The following CSMD1 variants were observed in gnomAD, a reference collection of about 807,000 sequenced individuals.
The protein encoded by CSMD1 is CUB and sushi domain-containing protein 1.
CSMD1 carries 213 observed loss-of-function variants against 417.5 expected under a neutral mutation model. The ratio of observed to expected loss-of-function variants is 0.51; its 90% CI spans 0.46 to 0.57. CSMD1 has a LOEUF of 0.57. Ranked by LOEUF, CSMD1 falls within the 20% of genes least tolerant of loss-of-function variation. The pLI is 0.00. For missense variants in CSMD1, 6,923 were observed against 4,529.7 expected (o/e 1.53, Z -15.17); for synonymous variants, 2,862 against 1,736.8 (o/e 1.65, Z -16.11).
At chr8:3,877,333 C>T (rs779366539) in intron 5 of CSMD1, among the ~76,000 whole-genome samples, 4 of 152,148 alleles carry the variant, frequency 2.6e-5, no homozygotes, top group Non-Finnish European at 4.4e-5. Flanking sequence ...CAGCTGTGTC[C>T]ATGATGGGGG....
intron 41 of CSMD1, among the ~76,000 whole-genome samples, chr8:3,122,263 T>G (rs1817253852): frequency 6.6e-6 from 1 of 152,188 alleles, no homozygotes. Context: ...AAAAATGTTA[T>G]TACTTTAAAA....
chr8:3,338,974 C>A (rs28471997), intron 23 of CSMD1, among the ~76,000 whole-genome samples: 28,610 of 135,902 alleles, frequency 0.21, 3,395 homozygotes, highest in African/African-American at 0.24. Context: ...TCCCGATGCT[C>A]TCCCTCCCCC....
At chr8:3,927,951 T>C (rs1174260324) in intron 5 of CSMD1, among the ~76,000 whole-genome samples, 2 of 152,166 alleles carry the variant, frequency 1.3e-5, no homozygotes, top group Non-Finnish European at 2.9e-5. Context: ...ATCTGTTAAT[T>C]TCTTAAGTTC....
chr8:3,024,132 GGTGT>G (rs56148945), intron 51 of CSMD1, among the ~76,000 whole-genome samples: 25,036 of 151,066 alleles, frequency 0.17, 2,434 homozygotes, highest in East Asian at 0.38. Context: ...TTCATGGTGT[GGTGT>G]GTGTGTGTGT....
At position 3,387,571 on chromosome 8, in the gene CSMD1, C is replaced by G; in HGVS notation, c.2705G>C (p.Gly902Ala). The part of the protein sequence containing the change: ...RSTVTFSCDP[G>A]YTLSDDEPLV... ...GGGCTCGTCGTCACTTAGTGTGTAC[C>G]CCGGGTCACAGCTGAAAGTCACTGT... Residue 902 changes from glycine to alanine, a missense_variant, in exon 18 of 70, where the codon GGG becomes GCG. Transcript: ENST00000635120. 6.2e-7 allele frequency: 1 copy of G among 1,601,326 alleles called. No individual in the cohort carries two copies. The highest frequency in any genetic ancestry group is 8.5e-7 in the Non-Finnish European group (1 of 1,173,956).
rs79760836 is a variant in CSMD1 at position 4,217,456 on chromosome 8, T to C, written c.416-185357A>G. ...TATAAGACACGTTATACCATAGCTA[T>C]ACACAGTGAATTAAACACAGGTAAG... On this transcript the variant is annotated intron_variant, in intron 3 of 69. Coordinates refer to ENST00000635120, the MANE Select transcript of CSMD1 (RefSeq NM_033225.6). Among the ~76,000 whole-genome samples the C allele has an allele frequency of 9.9e-3, 1,509 of 152,224 alleles. 20 individuals carry two copies. Among genetic ancestry groups the C allele is most frequent in the African/African-American group, 0.034 (1,401 of 41,548 alleles).
intron 10 of CSMD1, among the ~76,000 whole-genome samples, chr8:3,509,070 T>G (rs1796954284): frequency 6.6e-6 from 1 of 152,160 alleles, no homozygotes; most frequent in South Asian, 2.1e-4. Context: ...TGTGCCAGTT[T>G]CCTCCTCTTT....
chr8:3,387,390 C>A (rs1242289345), intron 18 of CSMD1, 104 bp downstream of exon 18: 2 of 902,366 alleles, frequency 2.2e-6, no homozygotes, highest in Non-Finnish European at 3.3e-6. Context: ...TCACGCCAGT[C>A]GTAAGGTACC....
intron 10 of CSMD1, among the ~76,000 whole-genome samples, chr8:3,542,108 C>A (rs1477996256): frequency 6.6e-6 from 1 of 152,164 alleles, no homozygotes; most frequent in Non-Finnish European, 1.5e-5. Context: ...TTAAAAAATT[C>A]AACAGAGACT....
intron 3 of CSMD1, among the ~76,000 whole-genome samples, chr8:4,155,561 G>C (rs915714350): frequency 6.6e-6 from 1 of 152,116 alleles, no homozygotes; most frequent in Non-Finnish European, 1.5e-5. Flanking sequence ...GTCTTAGAAC[G>C]AACGTTCTTA....
At chr8:4,902,168 G>C (rs1453480663) in intron 1 of CSMD1, among the ~76,000 whole-genome samples, 1 of 151,962 alleles carries the variant, frequency 6.6e-6, no homozygotes, top group Non-Finnish European at 1.5e-5. Flanking sequence ...CCAGCTTTTT[G>C]GGAGAACAAG....
At chr8:3,634,003 C>T (rs372220669) in intron 7 of CSMD1, among the ~76,000 whole-genome samples, 23 of 145,732 alleles carry the variant, frequency 1.6e-4, no homozygotes, top group African/African-American at 5.1e-4. Context: ...TATAAAATGT[C>T]TGTAAATGTT....
chr8:3,286,214 T>A (rs1030393283), intron 25 of CSMD1, among the ~76,000 whole-genome samples: 4 of 152,226 alleles, frequency 2.6e-5, no homozygotes, highest in African/African-American at 9.6e-5. Context: ...AATTTCTTAA[T>A]CCAGTCTATC....
At chr8:4,386,786 G>C (rs558453884) in intron 3 of CSMD1, among the ~76,000 whole-genome samples, 14 of 152,248 alleles carry the variant, frequency 9.2e-5, no homozygotes, top group East Asian at 7.7e-4. Context: ...CAGTTGAAGA[G>C]ATACAATAAA....
intron 7 of CSMD1, among the ~76,000 whole-genome samples, chr8:3,632,861 T>C (rs1336159401): frequency 6.6e-6 from 1 of 152,206 alleles, no homozygotes; most frequent in Non-Finnish European, 1.5e-5. Context: ...TGGTTAGTGA[T>C]CCTGTTTTAA....
intron 1 of CSMD1, among the ~76,000 whole-genome samples, chr8:4,896,485 T>C (rs1354384092): frequency 6.6e-6 from 1 of 152,106 alleles, no homozygotes; most frequent in Non-Finnish European, 1.5e-5. Flanking sequence ...TGAAACTCTG[T>C]CTCTAAAATT....
chr8:4,202,224 G>A (rs756682240), intron 3 of CSMD1, among the ~76,000 whole-genome samples: 23 of 152,058 alleles, frequency 1.5e-4, no homozygotes, highest in Admixed American at 7.9e-4. Context: ...GTGACTATTT[G>A]ATGAATTATG....
At chr8:4,646,150 T>C (rs1803502721) in intron 1 of CSMD1, among the ~76,000 whole-genome samples, 2 of 152,248 alleles carry the variant, frequency 1.3e-5, no homozygotes, top group African/African-American at 4.8e-5. Flanking sequence ...TCAATGCTAC[T>C]TTTCTTATAG....
chr8:4,540,327 T>C (rs11995664), intron 2 of CSMD1, among the ~76,000 whole-genome samples: 12 of 152,088 alleles, frequency 7.9e-5, no homozygotes, highest in African/African-American at 2.4e-4. Flanking sequence ...AAAAAACTTT[T>C]CCATGCAACC....
Sources: allele counts gnomAD v4.1 joint callset (sites outside exome capture counted in the v4.1 genomes callset), GRCh38; gene constraint gnomAD v4.1.1; transcripts MANE v1.5; gene names NCBI Gene and HGNC (gene_info 2026-07-23, HGNC 2026-07-21).